IGSF21: variants seen among roughly 807,000 people sequenced by gnomAD.
IGSF21 encodes immunoglobin superfamily member 21.
A neutral mutation model predicts 46.8 loss-of-function variants in IGSF21; 28 were observed. The observed-to-expected ratio is 0.60, with a 90% CI of 0.44 to 0.82. The LOEUF is 0.82. Among genes scored for constraint, IGSF21 ranks in the 40% least tolerant of loss-of-function variants. The probability of loss-of-function intolerance (pLI) is 0.00; values close to 1 mark genes in which losing one functional copy is unlikely to be tolerated. For missense variants in IGSF21, 624 were observed against 665.5 expected, an observed-to-expected ratio of 0.94 and a Z score of 0.69; for synonymous variants, 284 against 273.6, an observed-to-expected ratio of 1.04 and a Z score of -0.38.
chr1:18,141,435 G>A (rs546193521), intron 1 of IGSF21, among the ~76,000 whole-genome samples: 83 of 152,228 alleles, frequency 5.5e-4, no homozygotes, highest in Middle Eastern at 3.4e-3. Flanking sequence ...GGTTGAGCAG[G>A]GTTGGCTGTC....
intron 2 of IGSF21, among the ~76,000 whole-genome samples, chr1:18,253,906 G>A (rs991661948): frequency 6.6e-6 from 1 of 152,214 alleles, no homozygotes; most frequent in Non-Finnish European, 1.5e-5. Flanking sequence ...CAAGTCAGGG[G>A]AAAGTGGAAA....
At chr1:18,149,430 G>T (rs1272036625) in intron 1 of IGSF21, among the ~76,000 whole-genome samples, 1 of 152,220 alleles carries the variant, frequency 6.6e-6, no homozygotes, top group Admixed American at 6.5e-5. Context: ...ACTCATGGCT[G>T]TGCTAATCAT....
At position 18,378,473 on chromosome 1, in the gene IGSF21, A is replaced by C; in HGVS notation, c.*147A>C. On this transcript the variant is annotated 3_prime_UTR_variant, in exon 10 of 10. Coordinates refer to ENST00000251296, the MANE Select transcript of IGSF21 (RefSeq NM_032880.5). Reference sequence around the variant, plus strand: ...TCGGTTTAATTAAAACAAACAGAACAATTTTCCCCACCTCGGTTTGTGGCT... The same window carrying C: ...TCGGTTTAATTAAAACAAACAGAACCATTTTCCCCACCTCGGTTTGTGGCT... 2 of 679,110 alleles carry C rather than the reference A, an allele frequency of 2.9e-6. No homozygotes were observed. 42.1% of individuals were successfully genotyped at this position (679,110 alleles called of 1,614,324 possible).
chr1:18,291,643 C>T (rs2085268225), intron 2 of IGSF21, among the ~76,000 whole-genome samples: 1 of 152,334 alleles, frequency 6.6e-6, no homozygotes, highest in Middle Eastern at 3.4e-3. Context: ...GTTCCCTTTG[C>T]CTAGAAAACT....
At chr1:18,242,289 G>T (rs2084738873) in intron 2 of IGSF21, among the ~76,000 whole-genome samples, 1 of 152,126 alleles carries the variant, frequency 6.6e-6, no homozygotes, top group Admixed American at 6.5e-5. Flanking sequence ...CTGCCTCCCT[G>T]CATGCCCCTC....
intron 2 of IGSF21, among the ~76,000 whole-genome samples, chr1:18,263,751 T>G (rs2084966807): frequency 6.6e-6 from 1 of 152,154 alleles, no homozygotes; most frequent in Non-Finnish European, 1.5e-5. Flanking sequence ...ACCCAGGAAT[T>G]TTCTTCTTCC....
intron 6 of IGSF21, among the ~76,000 whole-genome samples, chr1:18,375,781 G>A (rs1245266960): frequency 6.6e-6 from 1 of 152,152 alleles, no homozygotes; most frequent in Non-Finnish European, 1.5e-5. Context: ...ATCACTTCAT[G>A]ACCCTCTGAG....
rs546975233 is a variant in IGSF21, at chr1:18,324,960, T to C, written c.306-9932T>C. On this transcript the variant is annotated intron_variant, in intron 3 of 9. Transcript: ENST00000251296. ...ATATATTGACACCATTGTTAAGGTG[T>C]CCTTAGTCAAGTTCACAGCAGGGAG... Among the ~76,000 whole-genome samples the C allele has an allele frequency of 1.1e-4, 16 of 152,344 alleles. No homozygotes were observed. In the South Asian group the frequency reaches 3.1e-3, roughly 30 times the overall value.
intron 2 of IGSF21, among the ~76,000 whole-genome samples, chr1:18,231,807 C>G (rs1026288454): frequency 6.6e-6 from 1 of 152,086 alleles, no homozygotes; most frequent in African/African-American, 2.4e-5. Flanking sequence ...ATACACTGTG[C>G]TCACCTGACA....
chr1:18,317,575 C>T (rs184992073), intron 3 of IGSF21, among the ~76,000 whole-genome samples: 1 of 152,272 alleles, frequency 6.6e-6, no homozygotes, highest in African/African-American at 2.4e-5. Flanking sequence ...TGTCAAGAGC[C>T]GCATCTATGC....
At chr1:18,326,089 A>G (rs1179476005) in intron 3 of IGSF21, among the ~76,000 whole-genome samples, 2 of 147,710 alleles carry the variant, frequency 1.4e-5, no homozygotes, top group Non-Finnish European at 3.0e-5. Flanking sequence ...CATGTGTCTT[A>G]TTAGCAAACA....
rs1056461439 is a variant in IGSF21 at position 18,358,061 on chromosome 1, G to A, written c.425-4054G>A. Among the ~76,000 whole-genome samples, 4 of 152,192 alleles carry A rather than the reference G, an allele frequency of 2.6e-5. No homozygotes were observed. In the South Asian group the frequency reaches 8.3e-4, roughly 32 times the overall value. ...AGAGAGAGAGAGTGTGTGTGTGTGT[G>A]TGTGAATGTTTAGGGGGGTGAAGGG... On this transcript the variant is annotated intron_variant, in intron 4 of 9. Transcript: ENST00000251296.
At position 18,280,569 on chromosome 1, in the gene IGSF21, G is replaced by A. The variant is rs76354739; in HGVS notation, c.184-11297G>A. Among the ~76,000 whole-genome samples, 243 of 152,254 alleles carry A rather than the reference G, an allele frequency of 1.6e-3. 1 individual carries two copies. Among genetic ancestry groups the A allele is most frequent in the African/African-American group, 4.7e-3 (197 of 41,550 alleles). On this transcript the variant is annotated intron_variant, in intron 2 of 9. Coordinates refer to ENST00000251296, the MANE Select transcript of IGSF21 (RefSeq NM_032880.5). ...CTAAGCACTTTATAGGGAAGAACCC[G>A]ATTCATCCTCCACCCTAGATGGTGG... is the stretch of plus-strand genomic sequence containing the variant.
intron 1 of IGSF21, among the ~76,000 whole-genome samples, chr1:18,132,117 A>G (rs1158569326): frequency 2.0e-5 from 3 of 152,222 alleles, no homozygotes; most frequent in Non-Finnish European, 1.5e-5. Flanking sequence ...CTGTAACCCT[A>G]GCACCTAACA....
At chr1:18,298,335 G>A (rs1331389452) in intron 3 of IGSF21, among the ~76,000 whole-genome samples, 1 of 152,206 alleles carries the variant, frequency 6.6e-6, no homozygotes, top group Non-Finnish European at 1.5e-5. Flanking sequence ...CAGGTATAAA[G>A]TATTCAATAT....
In IGSF21 at chr1:18,378,281, G is replaced by C. The variant is rs1347801412; in HGVS notation, c.1359G>C (p.Arg453=). 14 of 1,613,890 alleles carry C rather than the reference G, an allele frequency of 8.7e-6. No individual in the cohort carries two copies. Among genetic ancestry groups the C allele is most frequent in the Non-Finnish European group, 1.2e-5 (14 of 1,179,952 alleles). ...SNGSIGPTGA[R]LTLVLALTVI... Reference sequence around the variant, plus strand: ...GTTCCATTGGCCCCACTGGTGCCCGGCTCACCTTGGTGCTCGCCCTGACAG... The same window carrying C: ...GTTCCATTGGCCCCACTGGTGCCCGCCTCACCTTGGTGCTCGCCCTGACAG... The change falls in exon 10 of 10, where the codon CGG becomes CGC. Residue 453 remains arginine, a synonymous_variant. Coordinates refer to ENST00000251296, the MANE Select transcript of IGSF21 (RefSeq NM_032880.5).
chr1:18,283,580 G>A (rs528747624), intron 2 of IGSF21, among the ~76,000 whole-genome samples: 8 of 152,188 alleles, frequency 5.3e-5, no homozygotes, highest in African/African-American at 1.9e-4. Context: ...GAAGAACCCT[G>A]TGCCCCTCCC....
intron 1 of IGSF21, among the ~76,000 whole-genome samples, chr1:18,141,164 A>T (rs80087444): frequency 0.024 from 3,683 of 152,308 alleles, 73 homozygotes; most frequent in South Asian, 0.039. Context: ...GCTGATGGGA[A>T]TTGGCTTTGA....
chr1:18,253,997 A>G (rs75819961), intron 2 of IGSF21, among the ~76,000 whole-genome samples: 1,967 of 152,288 alleles, frequency 0.013, 18 homozygotes, highest in Non-Finnish European at 0.021. Context: ...CTGATTGGAC[A>G]CTTTCATTGT....
Sources: gnomAD v4.1 joint callset for allele counts (sites outside exome capture counted in the v4.1 genomes callset) on GRCh38, gnomAD v4.1.1 for gene constraint, MANE v1.5 for transcripts, NCBI Gene and HGNC (gene_info 2026-07-23, HGNC 2026-07-21) for gene names.